The following FAM171B variants were observed in gnomAD, a reference collection of about 807,000 sequenced individuals.
FAM171B encodes protein FAM171B.
FAM171B carries 19 observed loss-of-function variants against 75.6 expected under a neutral mutation model. That is an observed-to-expected ratio of 0.25 (90% confidence interval 0.18 to 0.37). The LOEUF (loss-of-function observed/expected upper bound fraction) is 0.37. FAM171B is among the 10% of genes least tolerant of loss of function. The pLI is 1.00. For missense variants in FAM171B, 848 were observed against 982.4 expected (o/e 0.86, Z 1.83); for synonymous variants, 367 against 361.7 (o/e 1.01, Z -0.17).
chr2:186,704,832 T>G (rs1689712348), intron 1 of FAM171B, among the ~76,000 whole-genome samples: 1 of 152,108 alleles, frequency 6.6e-6, no homozygotes, highest in African/African-American at 2.4e-5. Flanking sequence ...ATGTTGGAAG[T>G]GAAGATTTGG....
intron 6 of FAM171B, among the ~76,000 whole-genome samples, chr2:186,760,465 T>G (rs373525193): frequency 6.6e-6 from 1 of 152,166 alleles, no homozygotes; most frequent in Non-Finnish European, 1.5e-5. Context: ...CAACATTCTA[T>G]CTTAAAATCT....
chr2:186,701,497 C>A (rs1689660774), intron 1 of FAM171B, among the ~76,000 whole-genome samples: 1 of 152,162 alleles, frequency 6.6e-6, no homozygotes, highest in African/African-American at 2.4e-5. Flanking sequence ...CTACATCTCA[C>A]CATTTTCTCT....
chr2:186,734,809 C>T (rs538720832), intron 1 of FAM171B, among the ~76,000 whole-genome samples: 6 of 152,294 alleles, frequency 3.9e-5, no homozygotes, highest in Non-Finnish European at 7.4e-5. Context: ...GCCCAAAGTC[C>T]GGAAGGGGCC....
chr2:186,696,995 AATGGATGGACGGATGG>A (rs1422670730), intron 1 of FAM171B, among the ~76,000 whole-genome samples: 24 of 99,232 alleles, frequency 2.4e-4, no homozygotes, highest in African/African-American at 7.7e-4. Flanking sequence ...CCATTTGTTG[AATGGATGGACGGATGG>A]ATGGATGGAT....
intron 1 of FAM171B, among the ~76,000 whole-genome samples, chr2:186,730,083 C>A (rs1362764078): frequency 1.3e-5 from 2 of 152,232 alleles, no homozygotes; most frequent in African/African-American, 4.8e-5. Context: ...GCCTCAGCCT[C>A]CTGAGTAGCT....
At chr2:186,755,511 A>G (rs555937196) in intron 6 of FAM171B, among the ~76,000 whole-genome samples, 1 of 152,190 alleles carries the variant, frequency 6.6e-6, no homozygotes, top group Non-Finnish European at 1.5e-5. Context: ...TGGGTATTTC[A>G]TACTGATTAG....
At chr2:186,743,845 C>CTTCTTTCCAA (rs1434669919) in intron 3 of FAM171B, among the ~76,000 whole-genome samples, 13 of 152,188 alleles carry the variant, frequency 8.5e-5, no homozygotes, top group African/African-American at 3.1e-4. Flanking sequence ...TTCCAAATCA[C>CTTCTTTCCAA]ATTTCTTACT....
Position 186,708,278 on chromosome 2 carries a change from A to G in FAM171B, c.238+13867A>G, listed in dbSNP as rs139217253. Among the ~76,000 whole-genome samples, 11 of 152,334 alleles carry G rather than the reference A, an allele frequency of 7.2e-5. No individual in the cohort carries two copies. In the East Asian group the frequency reaches 1.5e-3, roughly 21 times the overall value. ...GAAAAGCAAAATTTGGCATTTATGC[A>G]AATTTAACACATCATATGCCAGTTT... On this transcript the variant is annotated intron_variant, in intron 1 of 7. Coordinates refer to ENST00000304698, the MANE Select transcript of FAM171B (RefSeq NM_177454.4).
Position 186,740,390 on chromosome 2 carries a change from G to C in FAM171B, c.401G>C (p.Ser134Thr), listed in dbSNP as rs746821118. The change falls in exon 2 of 8, where the codon AGT becomes ACT. Residue 134 changes from serine to threonine, a missense_variant. This residue lies in a region of FAM171B where 665 missense variants were observed against 729.0 expected (regional missense o/e 0.91). Transcript: ENST00000304698. Reference sequence around the variant, plus strand: ...AAAGTACCCTACAAATTAGGACTTAGTTTAACTATTATTGCTTACAAAGAT... The same window carrying C: ...AAAGTACCCTACAAATTAGGACTTACTTTAACTATTATTGCTTACAAAGAT... ...LIKVPYKLGLSLTIIAYKDGY... is the reference protein window; with the variant it reads ...LIKVPYKLGLTLTIIAYKDGY... 1.9e-6 allele frequency: 3 copies of C among 1,614,070 alleles called. No homozygotes were observed. The highest frequency in any genetic ancestry group is 2.5e-6 in the Non-Finnish European group (3 of 1,179,958).
chr2:186,698,955 G>T (rs1199454065), intron 1 of FAM171B, among the ~76,000 whole-genome samples: 1 of 152,114 alleles, frequency 6.6e-6, no homozygotes, highest in Non-Finnish European at 1.5e-5. Context: ...CAAATGAGAG[G>T]ATCTGATCCT....
chr2:186,751,120 G>A lies in FAM171B; in HGVS notation c.725-14G>A. 6.4e-7 allele frequency: 1 copy of A among 1,572,038 alleles called. No individual in the cohort carries two copies. Among genetic ancestry groups the A allele is most frequent in the Non-Finnish European group, 8.7e-7 (1 of 1,153,884 alleles). On this transcript the variant is annotated splice_polypyrimidine_tract_variant and intron_variant, in intron 4 of 7. Coordinates refer to ENST00000304698, the MANE Select transcript of FAM171B (RefSeq NM_177454.4). ...TGTTTACATATGATTTTAATAAACTGTCTTCTTTTATAGGTTTTGAAAACA... is the reference window on the plus strand; with the variant it reads ...TGTTTACATATGATTTTAATAAACTATCTTCTTTTATAGGTTTTGAAAACA...
rs1007387163 is a variant in FAM171B, at chr2:186,742,279, A to G, written c.473-1204A>G. Among the ~76,000 whole-genome samples the G allele has an allele frequency of 9.2e-5, 14 of 152,182 alleles. 1 individual carries two copies. Among genetic ancestry groups the G allele is most frequent in the Non-Finnish European group, 1.8e-4 (12 of 68,004 alleles). On this transcript the variant is annotated intron_variant, in intron 2 of 7. Transcript: ENST00000304698. Reference sequence around the variant, plus strand: ...AGAAATCTGAATGTGTTTGAAGTTCAGAAAGATTCTCCTCATGTTTAACAG... The same window carrying G: ...AGAAATCTGAATGTGTTTGAAGTTCGGAAAGATTCTCCTCATGTTTAACAG...
chr2:186,705,920 G>T (rs1689727875), intron 1 of FAM171B, among the ~76,000 whole-genome samples: 1 of 152,154 alleles, frequency 6.6e-6, no homozygotes, highest in Non-Finnish European at 1.5e-5. Context: ...TTCATATCTA[G>T]GTTTTGTTAT....
chr2:186,707,425 T>C (rs1426040127), intron 1 of FAM171B, among the ~76,000 whole-genome samples: 3 of 152,216 alleles, frequency 2.0e-5, no homozygotes, highest in Admixed American at 6.5e-5. Context: ...CTAGCTCATA[T>C]TAGCACATCA....
intron 5 of FAM171B, among the ~76,000 whole-genome samples, chr2:186,752,864 A>G (rs1019218844): frequency 5.9e-5 from 9 of 152,346 alleles, no homozygotes; most frequent in African/African-American, 2.2e-4. Flanking sequence ...TTGTTATGCT[A>G]TTTATAAATA....
intron 1 of FAM171B, among the ~76,000 whole-genome samples, chr2:186,726,421 G>A (rs1462774601): frequency 6.6e-6 from 1 of 151,944 alleles, no homozygotes; most frequent in Non-Finnish European, 1.5e-5. Flanking sequence ...AGGCTTGTGT[G>A]TCCATATTTG....
intron 1 of FAM171B, among the ~76,000 whole-genome samples, chr2:186,706,306 T>A (rs556284982): frequency 6.6e-6 from 1 of 152,236 alleles, no homozygotes; most frequent in Non-Finnish European, 1.5e-5. Flanking sequence ...TTTAACTTGC[T>A]ATTTTTATCA....
rs757988008 is a variant in FAM171B, at chr2:186,762,633, T to C, written c.2291T>C (p.Leu764Pro). ...SPEDPALRHI[L>P]DGGSGVIMEH... is the part of the protein sequence containing the mutation. ...GAGGACCCAGCTTTAAGGCACATCC[T>C]AGATGGAGGGAGTGGAGTGATCATG... is the stretch of plus-strand genomic sequence containing the variant. The change falls in exon 8 of 8, where the codon CTA becomes CCA. Residue 764 changes from leucine (L) to proline (P), a missense_variant. Coordinates refer to ENST00000304698, the MANE Select transcript of FAM171B (RefSeq NM_177454.4). This position sits in a 1 kb window ranked among gnomAD's most constrained non-coding sequence, Gnocchi z 4.0. The C allele has an allele frequency of 1.9e-6, 3 of 1,613,146 alleles. No homozygotes were observed. The East Asian group carries it at 6.7e-5, about 36-fold the overall frequency.
rs1052757717 is a variant in FAM171B at position 186,762,970 on chromosome 2, CAGAG to C, written c.*151_*154del. The C allele has an allele frequency of 5.3e-6, 5 of 951,910 alleles. No homozygotes were observed. The highest frequency in any genetic ancestry group is 7.7e-6 in the Non-Finnish European group (5 of 653,040). The allele number at this position is 951,910 out of a possible 1,614,324, so 59.0% of individuals were successfully genotyped here. ...GCAGAGTAAATGGTAATTCAGTAAT[CAGAG>C]AGAAAGATACCAAGGAATGCTTTTT... On this transcript the variant is annotated 3_prime_UTR_variant, in exon 8 of 8. Transcript: ENST00000304698. This position sits in a 1 kb window ranked among gnomAD's most constrained non-coding sequence, Gnocchi z 4.0.
Sources: allele counts gnomAD v4.1 joint callset (sites outside exome capture counted in the v4.1 genomes callset), GRCh38; gene constraint gnomAD v4.1.1; regional missense constraint gnomAD v4.1.1; non-coding constraint Gnocchi (gnomAD v3.1); transcripts MANE v1.5; gene names NCBI Gene and HGNC (gene_info 2026-07-23, HGNC 2026-07-21).